Variants in ZNF286A observed in about 807,000 individuals in gnomAD.
The protein encoded by ZNF286A is zinc finger protein ZNF286.
A neutral mutation model predicts 49.3 loss-of-function variants in ZNF286A; 34 were observed. The ratio of observed to expected loss-of-function variants is 0.69; its 90% CI spans 0.52 to 0.92. The LOEUF (loss-of-function observed/expected upper bound fraction) is 0.92, where lower values mean the gene tolerates loss of function less well. Ranked by LOEUF, ZNF286A falls within the 40% of genes least tolerant of loss-of-function variation. ZNF286A has a pLI of 0.00. For synonymous variants in ZNF286A, 155 were observed against 200.4 expected (o/e 0.77, Z 1.91); for missense variants, 462 against 600.2 (o/e 0.77, Z 2.41).
intron 5 of ZNF286A, among the ~76,000 whole-genome samples, chr17:15,712,912 G>C (rs1209953035): frequency 6.7e-6 from 1 of 148,898 alleles, no homozygotes; most frequent in African/African-American, 2.6e-5. Context: ...TCATTTCACA[G>C]CTACTCTTCT....
chr17:15,717,132 G>A lies in ZNF286A; in HGVS notation c.1408G>A (p.Glu470Lys), dbSNP rs530741935. The A allele has an allele frequency of 1.9e-5, 31 of 1,613,746 alleles. No individual in the cohort carries two copies. The highest frequency in any genetic ancestry group is 8.9e-5 in the East Asian group (4 of 44,864). ...TGGAAAGAAACCGTACAAATGTAGC[G>A]AGTGTGGAAAAGCCTTCATTCATTC... is the stretch of plus-strand genomic sequence containing the variant. Reference protein sequence around the residue: ...HIGKKPYKCSECGKAFIHSSA... With the variant: ...HIGKKPYKCSKCGKAFIHSSA... Residue 470 changes from glutamate (E) to lysine (K), a missense_variant, in exon 6 of 6, where the codon GAG becomes AAG. Physicochemically the swap from Glu to Lys is moderately conservative, Grantham distance 56 (BLOSUM62 1). This residue lies in a region of ZNF286A where 201 missense variants were observed against 311.3 expected (regional missense o/e 0.65). Transcript: ENST00000583566.
intron 4 of ZNF286A, 131 bp from the exon 5 acceptor site, chr17:15,708,024 A>G: frequency 1.1e-5 from 5 of 460,870 alleles, no homozygotes; most frequent in African/African-American, 2.1e-5. Context: ...TTTATAAATT[A>G]AAAAAAAAGA....
chr17:15,713,721 A>G (rs1369119050), intron 5 of ZNF286A, among the ~76,000 whole-genome samples: 1 of 150,876 alleles, frequency 6.6e-6, no homozygotes, highest in African/African-American at 2.4e-5. Context: ...TTTGAATATT[A>G]TAACTTTTAG....
chr17:15,720,777 A>G lies in ZNF286A; in HGVS notation c.*3487A>G, dbSNP rs2530053. The G allele has an allele frequency of 2.0e-5, 3 of 152,318 alleles. No individual in the cohort carries two copies. The East Asian group carries it at 5.8e-4, about 29-fold the overall frequency. 9.4% of individuals were successfully genotyped at this position (152,318 alleles called of 1,614,324 possible). A position where few individuals can be genotyped will look rare whatever the true frequency, so the allele number is the denominator to read the frequency against. ...TGTCAATAAAGATGTTTGTATATGTATTGTCAGAAACTTTTGTAAATTGCT... is the reference window on the plus strand; with the variant it reads ...TGTCAATAAAGATGTTTGTATATGTGTTGTCAGAAACTTTTGTAAATTGCT... On this transcript the variant is annotated 3_prime_UTR_variant, in exon 6 of 6. Transcript: ENST00000583566.
intron 3 of ZNF286A, chr17:15,704,383 C>G: frequency 1.2e-6 from 2 of 1,609,024 alleles, no homozygotes; most frequent in Non-Finnish European, 1.7e-6. Context: ...TGCAGTGCCA[C>G]TGGCCAGGGC....
At chr17:15,703,318 G>C (rs1989932472) in intron 3 of ZNF286A, among the ~76,000 whole-genome samples, 1 of 151,546 alleles carries the variant, frequency 6.6e-6, no homozygotes, top group Non-Finnish European at 1.5e-5. Context: ...ACAGCATCAA[G>C]GTGATTGAAC....
At chr17:15,709,129 A>T (rs951440606) in intron 5 of ZNF286A, among the ~76,000 whole-genome samples, 1 of 151,972 alleles carries the variant, frequency 6.6e-6, no homozygotes, top group Non-Finnish European at 1.5e-5. Context: ...CATTTTAGCC[A>T]TCCTTTTGAG....
chr17:15,716,123 A>G lies in ZNF286A; in HGVS notation c.399A>G (p.Ser133=). 1 of 1,613,912 alleles carries G rather than the reference A, an allele frequency of 6.2e-7. No individual in the cohort carries two copies. The highest frequency in any genetic ancestry group is 8.5e-7 in the Non-Finnish European group (1 of 1,179,828). The change falls in exon 6 of 6, where the codon TCA becomes TCG. Residue 133 remains serine, a synonymous_variant. Coordinates refer to ENST00000583566, the MANE Select transcript of ZNF286A (RefSeq NM_001130842.2). ...TGCAAGATTTTTCCAAAGCAGAATC[A>G]TGCAAAGTTGCAATAATAGACAGAC... is the stretch of plus-strand genomic sequence containing the variant. ...TSVQDFSKAE[S]CKVAIIDRLT...
chr17:15,704,066 A>ATTATT (rs1555564098), intron 3 of ZNF286A, among the ~76,000 whole-genome samples: 14 of 144,114 alleles, frequency 9.7e-5, no homozygotes, highest in Admixed American at 4.8e-4. Context: ...TATTATTATT[A>ATTATT]TTTTTTTTTT....
chr17:15,714,318 T>G (rs1181899735), intron 5 of ZNF286A, among the ~76,000 whole-genome samples: 1 of 152,106 alleles, frequency 6.6e-6, no homozygotes, highest in Non-Finnish European at 1.5e-5. Context: ...TGGAAAATGT[T>G]GAGACAATGA....
At position 15,717,831 on chromosome 17, in the gene ZNF286A, C is replaced by T. The variant is rs1237109498; in HGVS notation, c.*541C>T. 1.3e-5 allele frequency: 2 copies of T among 155,810 alleles called. No individual in the cohort carries two copies. Among genetic ancestry groups the T allele is most frequent in the Admixed American group, 6.2e-5 (1 of 16,052 alleles). 9.7% of individuals were successfully genotyped at this position (155,810 alleles called of 1,614,324 possible). ...TCAAAGTCCTTAGAATTCCCTTCCT[C>T]CCTCAACAAGCTGCTGTCTATGTTG... is the stretch of plus-strand genomic sequence containing the variant. On this transcript the variant is annotated 3_prime_UTR_variant, in exon 6 of 6. Coordinates refer to ENST00000583566, the MANE Select transcript of ZNF286A (RefSeq NM_001130842.2).
intron 3 of ZNF286A, among the ~76,000 whole-genome samples, chr17:15,705,345 A>G (rs557359010): frequency 6.6e-6 from 1 of 152,092 alleles, no homozygotes; most frequent in Admixed American, 6.5e-5. Context: ...TCTTTTTAAA[A>G]TTTCTGCTTT....
intron 5 of ZNF286A, among the ~76,000 whole-genome samples, chr17:15,710,299 A>G (rs1011874091): frequency 2.7e-4 from 41 of 152,124 alleles, no homozygotes; most frequent in Non-Finnish European, 5.9e-4. Flanking sequence ...TTTTTTTTTA[A>G]ATAGTGCTTT....
intron 5 of ZNF286A, among the ~76,000 whole-genome samples, chr17:15,711,624 T>C (rs541421300): frequency 2.6e-5 from 4 of 152,114 alleles, no homozygotes; most frequent in African/African-American, 7.2e-5. Flanking sequence ...GGCTAGACAA[T>C]AAATAATTAC....
At chr17:15,699,973 C>T (rs1465198850) in intron 1 of ZNF286A, 162 bp from the exon 2 acceptor site, 3 of 618,444 alleles carry the variant, frequency 4.9e-6, no homozygotes, top group Admixed American at 2.6e-5. Flanking sequence ...GGGGTGGTCG[C>T]GGGGTTCTGG....
chr17:15,713,077 T>C (rs1285881709), intron 5 of ZNF286A, among the ~76,000 whole-genome samples: 3 of 152,216 alleles, frequency 2.0e-5, no homozygotes, highest in Non-Finnish European at 4.4e-5. Context: ...AGAAAAATTT[T>C]AAGCTATTAG....
At chr17:15,712,849 C>A (rs912384530) in intron 5 of ZNF286A, among the ~76,000 whole-genome samples, 7 of 152,064 alleles carry the variant, frequency 4.6e-5, no homozygotes, top group Non-Finnish European at 8.8e-5. Flanking sequence ...CAGACAAAAT[C>A]CTGGAGGTCT....
At chr17:15,713,903 A>G (rs1966894309) in intron 5 of ZNF286A, among the ~76,000 whole-genome samples, 2 of 151,954 alleles carry the variant, frequency 1.3e-5, no homozygotes. Flanking sequence ...TTTTTGAGAA[A>G]CTGTCTGCCA....
intron 5 of ZNF286A, among the ~76,000 whole-genome samples, chr17:15,714,631 A>T (rs1193488081): frequency 6.6e-6 from 1 of 152,188 alleles, no homozygotes; most frequent in African/African-American, 2.4e-5. Context: ...GAGGTTAAAT[A>T]ACTTATCCAG....
Sources: gnomAD v4.1 joint callset for allele counts (sites outside exome capture counted in the v4.1 genomes callset) on GRCh38, gnomAD v4.1.1 for gene constraint, gnomAD v4.1.1 regional missense constraint, MANE v1.5 for transcripts, NCBI Gene and HGNC (gene_info 2026-07-23, HGNC 2026-07-21) for gene names.